Variants in DCC observed in about 807,000 individuals in gnomAD.
The protein encoded by DCC is DCC netrin 1 receptor.
DCC carries 58 observed loss-of-function variants against 172.5 expected under a neutral mutation model. The ratio of observed to expected loss-of-function variants is 0.34; its 90% CI spans 0.27 to 0.42. DCC has a LOEUF of 0.42. Ranked by LOEUF, DCC falls within the 10% of genes least tolerant of loss-of-function variation. The pLI is 1.00. For synonymous variants in DCC, 709 were observed against 644.5 expected (o/e 1.10, Z -1.52); for missense variants, 1,740 against 1,791.0 (o/e 0.97, Z 0.51).
chr18:52,796,771 T>G (rs1312482146), intron 2 of DCC, among the ~76,000 whole-genome samples: 2 of 152,192 alleles, frequency 1.3e-5, no homozygotes, highest in Non-Finnish European at 2.9e-5. Flanking sequence ...TCTGACAGTT[T>G]GACAATAATG....
chr18:53,478,247 A>C (rs1182084075), intron 25 of DCC, among the ~76,000 whole-genome samples: 1 of 152,208 alleles, frequency 6.6e-6, no homozygotes, highest in African/African-American at 2.4e-5. Context: ...TCTTTCATGC[A>C]GGCTATTTCC....
intron 1 of DCC, among the ~76,000 whole-genome samples, chr18:52,519,660 G>T (rs2031748012): frequency 6.6e-6 from 1 of 152,096 alleles, no homozygotes; most frequent in Admixed American, 6.5e-5. Flanking sequence ...TCTAAATCAG[G>T]GTTTTTGCAG....
At chr18:52,426,886 C>T (rs559983477) in intron 1 of DCC, among the ~76,000 whole-genome samples, 63 of 152,146 alleles carry the variant, frequency 4.1e-4, no homozygotes, top group Admixed American at 7.9e-4. Flanking sequence ...ATAATAATAA[C>T]GATTCATTGA....
intron 9 of DCC, among the ~76,000 whole-genome samples, chr18:53,199,530 T>C (rs2055502655): frequency 6.6e-6 from 1 of 152,072 alleles, no homozygotes. Flanking sequence ...AATGTATAAG[T>C]ATATATATGT....
chr18:52,677,877 A>G (rs2035673530), intron 1 of DCC, among the ~76,000 whole-genome samples: 1 of 152,168 alleles, frequency 6.6e-6, no homozygotes, highest in African/African-American at 2.4e-5. Flanking sequence ...TACAACTTGT[A>G]GCCTGATCAA....
intron 1 of DCC, among the ~76,000 whole-genome samples, chr18:52,513,833 G>T (rs1045962705): frequency 6.6e-6 from 1 of 152,140 alleles, no homozygotes; most frequent in South Asian, 2.1e-4. Flanking sequence ...AGTTCTTTGA[G>T]GTTTGTTTCA....
At chr18:52,599,095 A>G (rs2033965908) in intron 1 of DCC, among the ~76,000 whole-genome samples, 1 of 152,212 alleles carries the variant, frequency 6.6e-6, no homozygotes, top group South Asian at 2.1e-4. Context: ...CAGTCAAACC[A>G]CAGATGGATC....
At chr18:52,816,790 G>T (rs916664708) in intron 2 of DCC, 1 of 152,034 alleles carries the variant, frequency 6.6e-6, no homozygotes, top group African/African-American at 2.4e-5. Context: ...ACCAGGAAAA[G>T]CATCTTTTAT....
At chr18:52,476,659 G>A (rs888423454) in intron 1 of DCC, among the ~76,000 whole-genome samples, 3 of 152,050 alleles carry the variant, frequency 2.0e-5, no homozygotes, top group Non-Finnish European at 2.9e-5. Context: ...TTTAGTCCGG[G>A]GTCTGGTTCT....
At chr18:52,970,003 A>G (rs2041003535) in intron 5 of DCC, among the ~76,000 whole-genome samples, 1 of 151,474 alleles carries the variant, frequency 6.6e-6, no homozygotes, top group Non-Finnish European at 1.5e-5. Context: ...TACATTTGGA[A>G]GACTTGATTT....
chr18:53,376,158 G>C (rs1013141507), intron 15 of DCC, among the ~76,000 whole-genome samples: 3 of 152,128 alleles, frequency 2.0e-5, no homozygotes, highest in African/African-American at 7.2e-5. Flanking sequence ...CTGAGAGGCT[G>C]AGGCAGGCGG....
chr18:53,412,128 G>C (rs1000626415), intron 20 of DCC, among the ~76,000 whole-genome samples: 1 of 152,070 alleles, frequency 6.6e-6, no homozygotes, highest in Non-Finnish European at 1.5e-5. Context: ...ATTTGGTACT[G>C]TTTACCCTAA....
At chr18:52,419,107 C>T (rs1410611244) in intron 1 of DCC, 2 of 152,234 alleles carry the variant, frequency 1.3e-5, no homozygotes, top group Admixed American at 6.6e-5. Context: ...GATCCACCCT[C>T]TTCAGTTCCC....
rs1333913174 is a variant in DCC at position 53,416,147 on chromosome 18, A to G, written c.3154A>G (p.Asn1052Asp). 1.9e-6 allele frequency: 3 copies of G among 1,609,642 alleles called. No homozygotes were observed. Among genetic ancestry groups the G allele is most frequent in the Non-Finnish European group, 2.6e-6 (3 of 1,176,166 alleles). ...LKVEHPDKMA[N>D]DQGRHGDGGY... ...AGTGGAACACCCTGACAAAATGGCT[A>G]ATGACCAAGGTATGGTGGCTCAATC... Residue 1052 changes from asparagine (N) to aspartate (D), a missense_variant, in exon 21 of 29, where the codon AAT becomes GAT. Around this residue, in one of 2 missense-constraint regions of DCC, gnomAD observed 1,732 missense variants for 1,767.4 expected, o/e 0.98. Coordinates refer to ENST00000442544, the MANE Select transcript of DCC (RefSeq NM_005215.4).
At chr18:52,860,227 G>C (rs71367300) in intron 2 of DCC, among the ~76,000 whole-genome samples, 3 of 152,210 alleles carry the variant, frequency 2.0e-5, no homozygotes, top group Admixed American at 2.0e-4. Flanking sequence ...GTTTAAATCA[G>C]GTGTTCAAGT....
intron 1 of DCC, among the ~76,000 whole-genome samples, chr18:52,597,045 A>G (rs1342441181): frequency 6.6e-6 from 1 of 151,852 alleles, no homozygotes; most frequent in Non-Finnish European, 1.5e-5. Context: ...GTTTCACCAT[A>G]TGTTCCCCTT....
At position 52,367,344 on chromosome 18, in the gene DCC, G is replaced by A. The variant is rs576311349; in HGVS notation, c.91+26466G>A. 2.0e-5 allele frequency among the ~76,000 whole-genome samples: 3 copies of A among 152,314 alleles called. No homozygotes were observed. In the East Asian group the frequency reaches 5.8e-4, roughly 29 times the overall value. On this transcript the variant is annotated intron_variant, in intron 1 of 28. Transcript: ENST00000442544. ...CTCCAGCCTTGCCAGCCCAGAAAGG[G>A]GCTCCTACAGTGCAGTGGGGGTTTG...
intron 5 of DCC, among the ~76,000 whole-genome samples, chr18:53,015,091 A>G (rs2041790143): frequency 6.6e-6 from 1 of 152,220 alleles, no homozygotes; most frequent in South Asian, 2.1e-4. Context: ...AGGAATGTCA[A>G]CAATTATGCT....
At chr18:53,104,802 G>A (rs1598806048) in intron 7 of DCC, among the ~76,000 whole-genome samples, 1 of 152,070 alleles carries the variant, frequency 6.6e-6, no homozygotes, top group Middle Eastern at 3.4e-3. Context: ...ATCTTGTTAA[G>A]TCATCATACT....
Sources: allele counts gnomAD v4.1 joint callset (sites outside exome capture counted in the v4.1 genomes callset), GRCh38; gene constraint gnomAD v4.1.1; regional missense constraint gnomAD v4.1.1; transcripts MANE v1.5; gene names NCBI Gene and HGNC (gene_info 2026-07-23, HGNC 2026-07-21).